Variants in ICE2 observed in about 807,000 individuals in gnomAD.
The protein encoded by ICE2 is interactor of little elongation complex ELL subunit 2, also known as little elongation complex subunit 2.
A neutral mutation model predicts 105.4 loss-of-function variants in ICE2; 87 were observed. That is an observed-to-expected ratio of 0.83 (90% CI 0.69 to 0.99). ICE2 has a LOEUF of 0.99. Ranked by LOEUF, ICE2 falls within the 50% of genes least tolerant of loss-of-function variation. The pLI is 0.00. For missense variants in ICE2, 1,323 were observed against 1,146.7 expected, an observed-to-expected ratio of 1.15 and a Z score of -2.22; for synonymous variants, 399 against 392.0, an observed-to-expected ratio of 1.02 and a Z score of -0.21.
chr15:60,426,160 T>TA (rs2063334187), intron 15 of ICE2, among the ~76,000 whole-genome samples: 1 of 152,242 alleles, frequency 6.6e-6, no homozygotes, highest in African/African-American at 2.4e-5. Context: ...CTTTTCCAAA[T>TA]ACAGTCACAT....
In ICE2 at chr15:60,455,031, TG is replaced by T; in HGVS notation, c.914del (p.Pro305GlnfsTer6). The T allele has an allele frequency of 6.4e-7, 1 of 1,573,898 alleles. No individual in the cohort carries two copies. The highest frequency in any genetic ancestry group is 8.6e-7 in the Non-Finnish European group (1 of 1,167,622). On this transcript the variant is annotated frameshift_variant, in exon 8 of 16. Coordinates refer to ENST00000261520, the MANE Select transcript of ICE2 (RefSeq NM_024611.6). LOFTEE classifies it high-confidence loss of function. ...GPTYKEQWEI[P>X]VCIQVIPVAG... is the part of the protein sequence containing the mutation. Reference sequence around the variant, plus strand: ...CAACAGGTATTACTTGAATACACACTGGAATTTCCCACTGTTCCTTGTACGT... The same window carrying T: ...CAACAGGTATTACTTGAATACACACTGAATTTCCCACTGTTCCTTGTACGT...
chr15:60,478,934 G>A (rs988184568), intron 1 of ICE2, 69 bp downstream of exon 1: 11 of 455,326 alleles, frequency 2.4e-5, no homozygotes, highest in African/African-American at 1.8e-4. Context: ...GCCCCTGCAT[G>A]AGCACGCCCG....
chr15:60,477,895 C>A (rs765559211), intron 2 of ICE2, 42 bp downstream of exon 2: 3 of 1,552,904 alleles, frequency 1.9e-6, no homozygotes, highest in South Asian at 1.1e-5. Flanking sequence ...ATCAGCCCCA[C>A]TACACTCCTC....
At chr15:60,466,789 T>C in intron 4 of ICE2, 76 bp from the exon 5 acceptor site, 1 of 1,225,534 alleles carries the variant, frequency 8.2e-7, no homozygotes, top group Non-Finnish European at 1.1e-6. Flanking sequence ...ATCATTGCTA[T>C]AATAATTTGG....
chr15:60,456,436 T>TGG (rs941741108), intron 6 of ICE2, among the ~76,000 whole-genome samples: 3 of 147,954 alleles, frequency 2.0e-5, no homozygotes, highest in African/African-American at 7.4e-5. Flanking sequence ...TCCAGCTACT[T>TGG]GGGAGGCTAA....
chr15:60,444,692 A>AT (rs1447131986), intron 11 of ICE2, among the ~76,000 whole-genome samples: 8 of 150,956 alleles, frequency 5.3e-5, no homozygotes, highest in South Asian at 4.2e-4. Context: ...CTTTATTATT[A>AT]TTTTTTTTTG....
chr15:60,463,199 G>A (rs902877542), intron 5 of ICE2, among the ~76,000 whole-genome samples: 1 of 152,278 alleles, frequency 6.6e-6, no homozygotes, highest in East Asian at 1.9e-4. Context: ...TAACTCTATC[G>A]TGAGTCAAGA....
Position 60,479,094 on chromosome 15 carries a change from G to A in ICE2, c.-184C>T, listed in dbSNP as rs561331151. On this transcript the variant is annotated 5_prime_UTR_variant, in exon 1 of 16. Transcript: ENST00000261520. ...CACATTGTCGCGCGCGCCCAAAAAAGACCATATTTAAAGGATGTGGCCGCG... is the reference window on the plus strand; with the variant it reads ...CACATTGTCGCGCGCGCCCAAAAAAAACCATATTTAAAGGATGTGGCCGCG... The A allele has an allele frequency of 1.1e-5, 5 of 444,668 alleles. No homozygotes were observed. The highest frequency in any genetic ancestry group is 2.3e-5 in the Non-Finnish European group (5 of 218,424). 27.5% of individuals were successfully genotyped at this position (444,668 alleles called of 1,614,324 possible). A position where few individuals can be genotyped will look rare whatever the true frequency, so the allele number is the denominator to read the frequency against.
At position 60,442,462 on chromosome 15, in the gene ICE2, G is replaced by A; in HGVS notation, c.2379C>T (p.Arg793=). 2.5e-6 allele frequency: 4 copies of A among 1,600,828 alleles called. No homozygotes were observed. The highest frequency in any genetic ancestry group is 3.4e-6 in the Non-Finnish European group (4 of 1,177,526). Residue 793 remains arginine (R), a synonymous_variant, in exon 12 of 16, where the codon CGC becomes CGT. Coordinates refer to ENST00000261520, the MANE Select transcript of ICE2 (RefSeq NM_024611.6). ...VEALTESELC[R]LWTESLLHSN... ...AATGCAATAAACTTTCAGTCCATAA[G>A]CGACAAAGTTCACTTTCAGTCAGAG... is the stretch of plus-strand genomic sequence containing the variant.
At chr15:60,470,681 TTAAA>T (rs1264229949) in intron 3 of ICE2, among the ~76,000 whole-genome samples, 2 of 152,338 alleles carry the variant, frequency 1.3e-5, no homozygotes, top group East Asian at 1.9e-4. Flanking sequence ...TTATTTTCTC[TTAAA>T]TACTTTAAAT....
chr15:60,444,278 G>C (rs1381280488), intron 11 of ICE2, among the ~76,000 whole-genome samples: 1 of 151,938 alleles, frequency 6.6e-6, no homozygotes, highest in Non-Finnish European at 1.5e-5. Flanking sequence ...CAAATACTTT[G>C]GGAGATTTTC....
rs1595779436 is a variant in ICE2 at position 60,449,804 on chromosome 15, C to T, written c.1163G>A (p.Ser388Asn). The T allele has an allele frequency of 6.2e-7, 1 of 1,613,546 alleles. No homozygotes were observed. The highest frequency in any genetic ancestry group is 1.1e-5 in the South Asian group (1 of 90,952). The change falls in exon 10 of 16, where the codon AGT becomes AAT. Residue 388 changes from serine to asparagine, a missense_variant. Physicochemically the swap from Ser to Asn is conservative, Grantham distance 46. Transcript: ENST00000261520. ...CEVNECRKIE[S>N]LENLYLDFDD... ...AAAATCCAAATACAAGTTTTCAAGA[C>T]TCTCAATTTTTCGGCACTCGTTGAC...
intron 15 of ICE2, among the ~76,000 whole-genome samples, chr15:60,424,667 C>A (rs967252309): frequency 1.3e-5 from 2 of 152,178 alleles, no homozygotes; most frequent in African/African-American, 4.8e-5. Context: ...TGTCACCATG[C>A]CTGGCTAACT....
At chr15:60,444,175 T>A (rs2063776035) in intron 11 of ICE2, among the ~76,000 whole-genome samples, 1 of 152,114 alleles carries the variant, frequency 6.6e-6, no homozygotes, top group South Asian at 2.1e-4. Flanking sequence ...AAAAGTTGAC[T>A]GAGAAAAAGG....
intron 5 of ICE2, among the ~76,000 whole-genome samples, chr15:60,465,536 G>A (rs77038124): frequency 0.017 from 2,576 of 152,118 alleles, 81 homozygotes; most frequent in African/African-American, 0.057. Context: ...CTTCAACTTA[G>A]ACTGGCTAGT....
At chr15:60,462,600 C>G (rs74731462) in intron 5 of ICE2, among the ~76,000 whole-genome samples, 2,179 of 151,750 alleles carry the variant, frequency 0.014, 49 homozygotes, top group African/African-American at 0.049. Flanking sequence ...CATACATAGC[C>G]CATAAAGTTT....
At chr15:60,428,097 T>C (rs913194262) in intron 15 of ICE2, among the ~76,000 whole-genome samples, 11 of 152,146 alleles carry the variant, frequency 7.2e-5, no homozygotes, top group African/African-American at 2.7e-4. Flanking sequence ...ACCCAGTATA[T>C]ATAAATAAAA....
chr15:60,470,232 T>C (rs150838796), intron 3 of ICE2, among the ~76,000 whole-genome samples: 5 of 152,194 alleles, frequency 3.3e-5, no homozygotes, highest in African/African-American at 1.2e-4. Flanking sequence ...GAAAGAAAAG[T>C]AGATATGTAC....
chr15:60,478,719 A>C (rs973267615), intron 1 of ICE2: 13 of 341,566 alleles, frequency 3.8e-5, no homozygotes, highest in African/African-American at 2.0e-4. Context: ...GCTCCCACTT[A>C]ATCTACCTCT....
Sources: allele counts gnomAD v4.1 joint callset (sites outside exome capture counted in the v4.1 genomes callset), GRCh38; gene constraint gnomAD v4.1.1; transcripts MANE v1.5; gene names NCBI Gene and HGNC (gene_info 2026-07-23, HGNC 2026-07-21).